The following PRKG1 variants were observed in gnomAD, a reference collection of about 807,000 sequenced individuals.
PRKG1 encodes the protein protein kinase cGMP-dependent 1, also known as cGMP-dependent protein kinase 1.
Under a neutral mutation model 88.1 loss-of-function variants are expected in PRKG1, and 35 were observed. That is an observed-to-expected ratio of 0.40 (90% CI 0.30 to 0.53). The LOEUF (loss-of-function observed/expected upper bound fraction) is 0.53. PRKG1 is among the 20% of genes least tolerant of loss of function. PRKG1 has a pLI of 0.59. For missense variants in PRKG1, 540 were observed against 839.8 expected (o/e 0.64, Z 4.41); for synonymous variants, 303 against 292.5 (o/e 1.04, Z -0.37).
At chr10:52,122,701 A>G (rs1473311510) in intron 7 of PRKG1, among the ~76,000 whole-genome samples, 2 of 152,226 alleles carry the variant, frequency 1.3e-5, no homozygotes, top group Non-Finnish European at 2.9e-5. Context: ...AAAAGTACAG[A>G]GTAAATACCA....
intron 2 of PRKG1, among the ~76,000 whole-genome samples, chr10:51,287,332 G>T (rs920784239): frequency 6.6e-6 from 1 of 152,144 alleles, no homozygotes; most frequent in Non-Finnish European, 1.5e-5. Flanking sequence ...CCTTGATTTG[G>T]CTTCAGAGAA....
At chr10:52,273,299 G>A (rs1476897271) in intron 12 of PRKG1, among the ~76,000 whole-genome samples, 3 of 151,700 alleles carry the variant, frequency 2.0e-5, no homozygotes, top group Non-Finnish European at 2.9e-5. Flanking sequence ...TATTTTCCAT[G>A]AATGATTTAT....
At chr10:51,542,464 T>C (rs906825462) in intron 3 of PRKG1, among the ~76,000 whole-genome samples, 3 of 152,086 alleles carry the variant, frequency 2.0e-5, no homozygotes, top group Non-Finnish European at 4.4e-5. Context: ...AATGCTGGGG[T>C]ATATCTCCTG....
intron 1 of PRKG1, among the ~76,000 whole-genome samples, chr10:51,120,597 C>A (rs1462884302): frequency 6.6e-6 from 1 of 152,072 alleles, no homozygotes. Context: ...TTGCAATGAC[C>A]ATCCAGAAAT....
chr10:52,078,093 A>G (rs1846677342), intron 7 of PRKG1, among the ~76,000 whole-genome samples: 1 of 152,214 alleles, frequency 6.6e-6, no homozygotes, highest in African/African-American at 2.4e-5. Flanking sequence ...GTTGCTTTGA[A>G]AGGAACATTT....
At chr10:51,137,068 G>A (rs1845704269) in intron 1 of PRKG1, among the ~76,000 whole-genome samples, 2 of 151,962 alleles carry the variant, frequency 1.3e-5, no homozygotes, top group African/African-American at 2.4e-5. Context: ...TGTGTTTTTG[G>A]TAGAGACGGG....
intron 5 of PRKG1, among the ~76,000 whole-genome samples, chr10:51,923,346 C>A (rs1181614369): frequency 1.3e-5 from 2 of 151,362 alleles, no homozygotes; most frequent in East Asian, 1.9e-4. Flanking sequence ...ATTTAACAGT[C>A]TCTGTATTTT....
chr10:51,006,291 G>A (rs1352988064), intron 1 of PRKG1, among the ~76,000 whole-genome samples: 1 of 152,112 alleles, frequency 6.6e-6, no homozygotes, highest in Non-Finnish European at 1.5e-5. Flanking sequence ...CTAACCTGAC[G>A]TTATCATGCA....
At chr10:52,247,223 T>C (rs1190257892) in intron 9 of PRKG1, among the ~76,000 whole-genome samples, 1 of 152,176 alleles carries the variant, frequency 6.6e-6, no homozygotes, top group Admixed American at 6.5e-5. Context: ...AAATTAAAAA[T>C]GATTAGAAAA....
At chr10:51,293,078 C>T (rs74133563) in intron 2 of PRKG1, among the ~76,000 whole-genome samples, 9,675 of 151,826 alleles carry the variant, frequency 0.064, 1,010 homozygotes, top group African/African-American at 0.22. Flanking sequence ...GATTGAAAAA[C>T]GAAAAAATTA....
At chr10:51,362,259 T>G (rs1004564582) in intron 2 of PRKG1, among the ~76,000 whole-genome samples, 21 of 151,822 alleles carry the variant, frequency 1.4e-4, no homozygotes, top group Non-Finnish European at 4.4e-5. Context: ...CTCAGCCTCC[T>G]AAGTTAGACT....
At chr10:51,860,681 A>G (rs1156922191) in intron 4 of PRKG1, among the ~76,000 whole-genome samples, 1 of 152,170 alleles carries the variant, frequency 6.6e-6, no homozygotes, top group Non-Finnish European at 1.5e-5. Context: ...AGGTTTGCTG[A>G]GGGATGATGT....
At chr10:52,125,167 C>G (rs1208468884) in intron 7 of PRKG1, among the ~76,000 whole-genome samples, 1 of 152,048 alleles carries the variant, frequency 6.6e-6, no homozygotes, top group Non-Finnish European at 1.5e-5. Context: ...ATGTGCTATA[C>G]TTACATATAA....
At chr10:51,932,814 T>C (rs1461340611) in intron 5 of PRKG1, among the ~76,000 whole-genome samples, 1 of 152,088 alleles carries the variant, frequency 6.6e-6, no homozygotes, top group Non-Finnish European at 1.5e-5. Context: ...GCCAGTGAAC[T>C]GACAATAAAA....
At chr10:51,041,263 G>T (rs1477208696) in intron 1 of PRKG1, among the ~76,000 whole-genome samples, 7 of 152,304 alleles carry the variant, frequency 4.6e-5, no homozygotes, top group African/African-American at 1.7e-4. Context: ...ATGACATTCA[G>T]AAGCCAAAGC....
intron 7 of PRKG1, among the ~76,000 whole-genome samples, chr10:52,078,910 C>A (rs191334246): frequency 1.3e-5 from 2 of 152,210 alleles, no homozygotes; most frequent in African/African-American, 4.8e-5. Context: ...TTTTTATTAT[C>A]CCTTTCAATG....
intron 9 of PRKG1, among the ~76,000 whole-genome samples, chr10:52,200,401 A>G (rs1432078339): frequency 6.6e-6 from 1 of 152,088 alleles, no homozygotes; most frequent in Admixed American, 6.6e-5. Context: ...CATTCTTTTT[A>G]TGGCTGCATA....
intron 1 of PRKG1, chr10:51,148,159 C>A: frequency 4.2e-6 from 3 of 720,996 alleles, no homozygotes; most frequent in Non-Finnish European, 5.1e-6. Flanking sequence ...TTTTAAGAGG[C>A]TCTGCAAGGA....
At chr10:51,704,579 T>C (rs1219267111) in intron 3 of PRKG1, among the ~76,000 whole-genome samples, 2 of 152,192 alleles carry the variant, frequency 1.3e-5, no homozygotes, top group East Asian at 3.8e-4. Context: ...ATGTTTTAGA[T>C]TATCAAGGAA....
Sources: allele counts gnomAD v4.1 joint callset (sites outside exome capture counted in the v4.1 genomes callset), GRCh38; gene constraint gnomAD v4.1.1; transcripts MANE v1.5; gene names NCBI Gene and HGNC (gene_info 2026-07-23, HGNC 2026-07-21).